The following PDE4D variants were observed in gnomAD, a reference collection of about 807,000 sequenced individuals.
PDE4D encodes the protein phosphodiesterase 4D.
PDE4D carries 24 observed loss-of-function variants against 87.4 expected under a neutral mutation model. That is an observed-to-expected ratio of 0.27 (90% CI 0.20 to 0.39). The LOEUF is 0.39. PDE4D is among the 10% of genes least tolerant of loss of function. The pLI is 1.00. For synonymous variants in PDE4D, 384 were observed against 383.2 expected (o/e 1.00, Z -0.02); for missense variants, 714 against 1,041.0 (o/e 0.69, Z 4.32).
chr5:59,988,766 G>A lies in PDE4D; in HGVS notation c.43-49C>T, dbSNP rs774190826. The A allele has an allele frequency of 9.8e-6, 10 of 1,024,962 alleles. No homozygotes were observed. In the Admixed American group the frequency reaches 1.2e-4, roughly 12 times the overall value. 63.5% of individuals were successfully genotyped at this position (1,024,962 alleles called of 1,614,324 possible). ...ACATATAATCAACAAAAATCACACT[G>A]TTTATCATTACATAATGGCTTAATA... On this transcript the variant is annotated intron_variant, in intron 2 of 16. Coordinates refer to the PDE4D transcript ENST00000502484.
intron 1 of PDE4D, among the ~76,000 whole-genome samples, chr5:59,577,975 A>G (rs1195494593): frequency 2.0e-5 from 3 of 152,154 alleles, no homozygotes; most frequent in Non-Finnish European, 4.4e-5. Context: ...CCTTATTTCC[A>G]GTACATTTCT....
intron 1 of PDE4D, among the ~76,000 whole-genome samples, chr5:59,500,255 G>A (rs1808052521): frequency 6.6e-6 from 1 of 152,126 alleles, no homozygotes; most frequent in South Asian, 2.1e-4. Flanking sequence ...TCACTGCTGA[G>A]TGTATACCCA....
intron 2 of PDE4D, among the ~76,000 whole-genome samples, chr5:60,073,887 T>A (rs967657903): frequency 1.3e-5 from 2 of 152,158 alleles, no homozygotes; most frequent in African/African-American, 2.4e-5. Context: ...TATCTTATTT[T>A]TAAAATTGTG....
intron 1 of PDE4D, among the ~76,000 whole-genome samples, chr5:59,682,451 CA>C (rs954374188): frequency 2.0e-5 from 3 of 152,126 alleles, no homozygotes; most frequent in Non-Finnish European, 2.9e-5. Flanking sequence ...CCAGGAAACA[CA>C]AAATAAACTC....
chr5:60,289,057 G>A (rs1051386621), intron 1 of PDE4D, among the ~76,000 whole-genome samples: 13 of 152,072 alleles, frequency 8.5e-5, no homozygotes, highest in African/African-American at 2.4e-4. Flanking sequence ...AATCTTCCCC[G>A]TCTCACATTG....
intron 1 of PDE4D, among the ~76,000 whole-genome samples, chr5:60,423,122 T>G (rs1743288297): frequency 6.6e-6 from 1 of 152,124 alleles, no homozygotes; most frequent in African/African-American, 2.4e-5. Context: ...ATTGTCAATA[T>G]TAGACCGATC....
At position 60,448,281 on chromosome 5, in the gene PDE4D, A is replaced by C. The variant is rs1242199114; in HGVS notation, c.-90+39661T>G. On this transcript the variant is annotated intron_variant, in intron 1 of 16. Transcript: ENST00000502484. ...TAAAAATTCAAAAAATAATTACTTAAAAGCAAAATCATTCATTTACCAGAA... is the reference window on the plus strand; with the variant it reads ...TAAAAATTCAAAAAATAATTACTTACAAGCAAAATCATTCATTTACCAGAA... Among the ~76,000 whole-genome samples, 3 of 152,202 alleles carry C rather than the reference A, an allele frequency of 2.0e-5. No homozygotes were observed. The East Asian group carries it at 5.8e-4, about 29-fold the overall frequency.
At chr5:59,881,733 T>C (rs927049722) in intron 1 of PDE4D, among the ~76,000 whole-genome samples, 4 of 152,178 alleles carry the variant, frequency 2.6e-5, no homozygotes, top group African/African-American at 9.7e-5. Context: ...ATTATTTTCA[T>C]AGGAGTTTAT....
chr5:60,124,544 T>A (rs888568772), intron 2 of PDE4D, among the ~76,000 whole-genome samples: 1 of 152,132 alleles, frequency 6.6e-6, no homozygotes, highest in Non-Finnish European at 1.5e-5. Flanking sequence ...GTGCCTGATA[T>A]CATCTCTTTT....
chr5:60,316,311 C>T (rs961891453), intron 1 of PDE4D, among the ~76,000 whole-genome samples: 2 of 152,148 alleles, frequency 1.3e-5, no homozygotes, highest in African/African-American at 2.4e-5. Context: ...TATAAGAATG[C>T]TTGTGATTTT....
intron 1 of PDE4D, among the ~76,000 whole-genome samples, chr5:59,878,005 T>C (rs911146867): frequency 6.6e-6 from 1 of 151,748 alleles, no homozygotes; most frequent in African/African-American, 2.4e-5. Context: ...ATAATTAAGA[T>C]TAGAAAACCA....
At chr5:59,305,011 T>G (rs1331631748) in intron 1 of PDE4D, among the ~76,000 whole-genome samples, 2 of 152,122 alleles carry the variant, frequency 1.3e-5, no homozygotes, top group Non-Finnish European at 2.9e-5. Flanking sequence ...CTGCTGTGAA[T>G]CTGTCGGGTC....
rs200422853 is a variant in PDE4D, at chr5:59,053,652, T to G, written c.809-14681A>C. On this transcript the variant is annotated intron_variant, in intron 5 of 14. Coordinates refer to ENST00000340635, the MANE Select transcript of PDE4D (RefSeq NM_001104631.2). ...TAAGTTGTTTTGTTTTTTGTTTTTT[T>G]TTGTTGTTGTTTTTTTTTTTTGGCC... Among the ~76,000 whole-genome samples the G allele has an allele frequency of 2.0e-3, 133 of 65,042 alleles. 7 individuals are homozygous for G. Among genetic ancestry groups the G allele is most frequent in the East Asian group, 0.02 (20 of 1,002 alleles). 42.7% of individuals were successfully genotyped at this position (65,042 alleles called of 152,430 possible). A position where few individuals can be genotyped will look rare whatever the true frequency, so the allele number is the denominator to read the frequency against.
chr5:60,447,726 G>A (rs934377369), intron 1 of PDE4D, among the ~76,000 whole-genome samples: 2 of 152,114 alleles, frequency 1.3e-5, no homozygotes, highest in Non-Finnish European at 2.9e-5. Flanking sequence ...TTTAAGACCA[G>A]TGTGTATTAG....
intron 1 of PDE4D, among the ~76,000 whole-genome samples, chr5:60,450,143 G>A (rs1745982486): frequency 6.6e-6 from 1 of 150,746 alleles, no homozygotes; most frequent in Non-Finnish European, 1.5e-5. Flanking sequence ...TCATTTTTAT[G>A]AGAAAGAGAC....
chr5:59,260,528 C>G (rs1455008754), intron 1 of PDE4D, among the ~76,000 whole-genome samples: 1 of 151,758 alleles, frequency 6.6e-6, no homozygotes, highest in Non-Finnish European at 1.5e-5. Context: ...GCACTTTGAA[C>G]AAATTATCCA....
At chr5:59,205,698 A>ACACACG (rs748608669) in intron 2 of PDE4D, among the ~76,000 whole-genome samples, 16 of 145,452 alleles carry the variant, frequency 1.1e-4, no homozygotes, top group South Asian at 2.3e-4. Flanking sequence ...ACACACACAC[A>ACACACG]CCAATCCACA....
chr5:59,453,145 T>C (rs1438462591), intron 1 of PDE4D, among the ~76,000 whole-genome samples: 2 of 152,196 alleles, frequency 1.3e-5, no homozygotes, highest in Non-Finnish European at 2.9e-5. Context: ...ATTGTTGATG[T>C]TACTATTGTA....
chr5:60,121,482 G>A (rs1239582735), intron 2 of PDE4D, among the ~76,000 whole-genome samples: 4 of 152,230 alleles, frequency 2.6e-5, no homozygotes, highest in African/African-American at 9.6e-5. Flanking sequence ...CATGGCAGGA[G>A]GCAAAAGGCA....
Sources: gnomAD v4.1 joint callset for allele counts (sites outside exome capture counted in the v4.1 genomes callset) on GRCh38, gnomAD v4.1.1 for gene constraint, MANE v1.5 for transcripts, NCBI Gene and HGNC (gene_info 2026-07-23, HGNC 2026-07-21) for gene names.